Variants in TMEM117 observed in about 807,000 individuals in gnomAD.
The protein encoded by TMEM117 is transmembrane protein 117.
Under a neutral mutation model 52.4 loss-of-function variants are expected in TMEM117, and 27 were observed. The observed-to-expected ratio is 0.51, with a 90% CI of 0.38 to 0.71. The LOEUF (loss-of-function observed/expected upper bound fraction) is 0.71, where lower values mean the gene tolerates loss of function less well. Among genes scored for constraint, TMEM117 ranks in the 30% least tolerant of loss-of-function variants. The pLI is 0.00. For missense variants in TMEM117, 556 were observed against 630.5 expected, an observed-to-expected ratio of 0.88 and a Z score of 1.26; for synonymous variants, 215 against 206.3, an observed-to-expected ratio of 1.04 and a Z score of -0.36.
At chr12:43,824,404 T>G in the TMEM117 span, among the ~76,000 whole-genome samples, 1 of 152,212 alleles carries the variant, frequency 6.6e-6, no homozygotes, top group Admixed American at 6.5e-5. Flanking sequence ...TCACTTGGCC[T>G]GAGGTGAGTG....
chr12:44,107,077 A>G (rs1947968707), intron 3 of TMEM117, among the ~76,000 whole-genome samples: 1 of 152,108 alleles, frequency 6.6e-6, no homozygotes, highest in African/African-American at 2.4e-5. Context: ...TACTCAATTT[A>G]TTGAGTACTT....
At chr12:44,325,450 C>T (rs947785699) in intron 6 of TMEM117, among the ~76,000 whole-genome samples, 24 of 151,568 alleles carry the variant, frequency 1.6e-4, no homozygotes, top group African/African-American at 5.3e-4. Context: ...GGACAAGGGA[C>T]GAAAGATGTG....
At chr12:44,255,988 C>T (rs1950255635) in intron 5 of TMEM117, among the ~76,000 whole-genome samples, 1 of 151,914 alleles carries the variant, frequency 6.6e-6, no homozygotes. Context: ...CCAATCCAGA[C>T]CATTCCTCAT....
chr12:44,009,211 C>G (rs1208412939), intron 3 of TMEM117: 2 of 272,446 alleles, frequency 7.3e-6, no homozygotes, highest in Non-Finnish European at 7.2e-6. Flanking sequence ...CTGTTGTTTT[C>G]TGGACAATTT....
chr12:44,044,590 C>T (rs1432219563), intron 3 of TMEM117, among the ~76,000 whole-genome samples: 1 of 152,200 alleles, frequency 6.6e-6, no homozygotes, highest in African/African-American at 2.4e-5. Context: ...TCCACTCCTG[C>T]CACCCTGCCT....
At chr12:44,134,289 C>G (rs891595946) in intron 3 of TMEM117, among the ~76,000 whole-genome samples, 1 of 152,134 alleles carries the variant, frequency 6.6e-6, no homozygotes, top group Non-Finnish European at 1.5e-5. Context: ...TCAAGGCTTG[C>G]TCGCTGTAGC....
intron 6 of TMEM117, among the ~76,000 whole-genome samples, chr12:44,314,251 A>G (rs1246810941): frequency 4.0e-5 from 6 of 151,814 alleles, no homozygotes; most frequent in Non-Finnish European, 7.4e-5. Flanking sequence ...GATGACTCTT[A>G]TTTTTTTGAT....
intron 3 of TMEM117, among the ~76,000 whole-genome samples, chr12:44,085,902 A>G (rs940427426): frequency 1.5e-4 from 23 of 152,286 alleles, no homozygotes; most frequent in Admixed American, 9.8e-4. Context: ...TCAAAATTAC[A>G]ATTTCTTCTG....
intron 6 of TMEM117, among the ~76,000 whole-genome samples, chr12:44,371,257 A>G (rs1477192420): frequency 6.6e-6 from 1 of 152,174 alleles, no homozygotes; most frequent in Non-Finnish European, 1.5e-5. Flanking sequence ...ATATTCATAG[A>G]TCTAAATTCA....
intron 4 of TMEM117, among the ~76,000 whole-genome samples, chr12:44,164,553 T>C (rs1346536870): frequency 6.6e-6 from 1 of 152,094 alleles, no homozygotes; most frequent in Non-Finnish European, 1.5e-5. Flanking sequence ...TATACTTTCA[T>C]GAGGGGCTGG....
At chr12:44,044,817 C>T (rs1946855313) in intron 3 of TMEM117, among the ~76,000 whole-genome samples, 1 of 152,228 alleles carries the variant, frequency 6.6e-6, no homozygotes, top group African/African-American at 2.4e-5. Context: ...TTGAGCAGTG[C>T]ACCTGGTTGT....
intron 3 of TMEM117, among the ~76,000 whole-genome samples, chr12:43,983,587 TGTGTGTA>T (rs1480920368): frequency 7.0e-6 from 1 of 143,386 alleles, no homozygotes; most frequent in African/African-American, 2.6e-5. Flanking sequence ...TGTGTGTGTG[TGTGTGTA>T]TGGTTGGCAT....
chr12:44,025,630 G>A (rs1946521191), intron 3 of TMEM117, among the ~76,000 whole-genome samples: 1 of 152,106 alleles, frequency 6.6e-6, no homozygotes, highest in Non-Finnish European at 1.5e-5. Flanking sequence ...TGTGAATTCA[G>A]CTGTTGTATT....
intron 3 of TMEM117, among the ~76,000 whole-genome samples, chr12:44,047,689 A>G (rs1279726886): frequency 1.3e-5 from 2 of 152,206 alleles, no homozygotes; most frequent in African/African-American, 4.8e-5. Context: ...ATGACTGTAG[A>G]CCATAAAACC....
chr12:44,243,416 A>G (rs1289119156), intron 5 of TMEM117, among the ~76,000 whole-genome samples: 2 of 151,926 alleles, frequency 1.3e-5, no homozygotes, highest in Non-Finnish European at 1.5e-5. Flanking sequence ...CTGAAAATGT[A>G]AAAATTAGAT....
At chr12:44,396,931 A>G in the TMEM117 span, among the ~76,000 whole-genome samples, 3 of 152,078 alleles carry the variant, frequency 2.0e-5, no homozygotes, top group African/African-American at 7.2e-5. Context: ...GATCCTCTCC[A>G]TGATAGAGGA....
intron 3 of TMEM117, among the ~76,000 whole-genome samples, chr12:44,040,286 T>C (rs1946776262): frequency 1.3e-5 from 2 of 152,212 alleles, no homozygotes; most frequent in South Asian, 4.1e-4. Context: ...AATTTTAAAT[T>C]ATGATCATAT....
chr12:43,944,455 TAAGAAG>T lies in TMEM117; in HGVS notation c.410+117_410+122del, dbSNP rs372076720. On this transcript the variant is annotated intron_variant, in intron 3 of 7. Coordinates refer to ENST00000266534, the MANE Select transcript of TMEM117 (RefSeq NM_032256.3). ...AGTCTGCTTTACAAATATTCTACCC[TAAGAAG>T]AAGGAGTATTTTATGTATTTTTCTT... 1,076 of 999,998 alleles carry T rather than the reference TAAGAAG, an allele frequency of 1.1e-3. 9 individuals carry two copies. In the African/African-American group the frequency reaches 0.016, roughly 15 times the overall value. The allele number at this position is 999,998 out of a possible 1,614,324, so 61.9% of individuals were successfully genotyped here. A position where few individuals can be genotyped will look rare whatever the true frequency, so the allele number is the denominator to read the frequency against.
At chr12:44,280,224 T>C (rs911280064) in intron 5 of TMEM117, among the ~76,000 whole-genome samples, 4 of 152,210 alleles carry the variant, frequency 2.6e-5, no homozygotes, top group Non-Finnish European at 5.9e-5. Flanking sequence ...TTAATCCCTG[T>C]ATAGATGTCC....
Sources: allele counts gnomAD v4.1 joint callset (sites outside exome capture counted in the v4.1 genomes callset), GRCh38; gene constraint gnomAD v4.1.1; transcripts MANE v1.5; gene names NCBI Gene and HGNC (gene_info 2026-07-23, HGNC 2026-07-21).